The following NCKAP5 variants were observed in gnomAD, a reference collection of about 807,000 sequenced individuals.
NCKAP5 encodes the protein nck-associated protein 5.
In NCKAP5, 92 loss-of-function variants were observed where a neutral mutation model predicts 167.0. The ratio of observed to expected loss-of-function variants is 0.55; its 90% CI spans 0.47 to 0.66. NCKAP5 has a LOEUF of 0.66. Ranked by LOEUF, NCKAP5 falls within the 30% of genes least tolerant of loss-of-function variation. The pLI, the probability that NCKAP5 is intolerant of heterozygous loss-of-function variation, is 0.00. For missense variants in NCKAP5, 2,378 were observed against 2,315.0 expected (o/e 1.03, Z -0.56); for synonymous variants, 891 against 877.4 (o/e 1.02, Z -0.27).
intron 5 of NCKAP5, among the ~76,000 whole-genome samples, chr2:133,187,181 T>C (rs965269259): frequency 3.9e-5 from 6 of 152,066 alleles, no homozygotes; most frequent in African/African-American, 1.4e-4. Context: ...TAAATAAAGT[T>C]TTTTGTTTCT....
At chr2:133,039,127 C>T (rs1291756963) in intron 6 of NCKAP5, among the ~76,000 whole-genome samples, 1 of 152,184 alleles carries the variant, frequency 6.6e-6, no homozygotes, top group African/African-American at 2.4e-5. Context: ...GTCCTACCCA[C>T]ATCCTATTTA....
chr2:133,313,456 A>G (rs1382848055), intron 3 of NCKAP5, among the ~76,000 whole-genome samples: 1 of 152,196 alleles, frequency 6.6e-6, no homozygotes, highest in Non-Finnish European at 1.5e-5. Context: ...TGCTATTACT[A>G]ATACTTAGAT....
At chr2:132,865,742 G>C (rs1020637850) in intron 10 of NCKAP5, among the ~76,000 whole-genome samples, 1 of 152,200 alleles carries the variant, frequency 6.6e-6, no homozygotes, top group Non-Finnish European at 1.5e-5. Flanking sequence ...GAGTGGGTCA[G>C]AGCGTGGGGT....
At chr2:132,873,972 C>T (rs1691047035) in intron 9 of NCKAP5, among the ~76,000 whole-genome samples, 1 of 152,080 alleles carries the variant, frequency 6.6e-6, no homozygotes, top group Non-Finnish European at 1.5e-5. Context: ...GAAACAAATA[C>T]AGGGACTGCC....
intron 6 of NCKAP5, among the ~76,000 whole-genome samples, chr2:133,098,671 T>C (rs2081414226): frequency 1.3e-5 from 2 of 152,232 alleles, no homozygotes; most frequent in South Asian, 2.1e-4. Context: ...TTTTACACTC[T>C]AGTTATATTT....
At chr2:133,018,327 T>A (rs1242848261) in intron 6 of NCKAP5, among the ~76,000 whole-genome samples, 1 of 152,192 alleles carries the variant, frequency 6.6e-6, no homozygotes, top group Admixed American at 6.5e-5. Context: ...TTTAAAGTTA[T>A]GACCCACCAG....
intron 7 of NCKAP5, among the ~76,000 whole-genome samples, chr2:132,980,515 A>G (rs986142130): frequency 3.3e-5 from 5 of 152,194 alleles, no homozygotes; most frequent in African/African-American, 1.2e-4. Flanking sequence ...CTTGCAAGAT[A>G]TGGGACTTGG....
rs569803399 is a variant in NCKAP5 at position 133,438,428 on chromosome 2, C to T, written c.69+79030G>A. 3.2e-3 allele frequency among the ~76,000 whole-genome samples: 493 copies of T among 152,298 alleles called. 5 individuals are homozygous for T. Among genetic ancestry groups the T allele is most frequent in the African/African-American group, 0.01 (434 of 41,556 alleles). On this transcript the variant is annotated intron_variant, in intron 3 of 19. Coordinates refer to ENST00000409261, the MANE Select transcript of NCKAP5 (RefSeq NM_207363.3). ...TTTTATGATTATACTTGTAACACAT[C>T]GTATCATCAGACTGCAAAATAAAAC...
intron 5 of NCKAP5, among the ~76,000 whole-genome samples, chr2:133,153,804 C>T (rs1327810340): frequency 6.6e-6 from 1 of 151,098 alleles, no homozygotes; most frequent in Non-Finnish European, 1.5e-5. Flanking sequence ...TATGCATCTT[C>T]CGAGGCCCAC....
At chr2:133,303,870 C>T (rs544775810) in intron 3 of NCKAP5, among the ~76,000 whole-genome samples, 151 of 152,302 alleles carry the variant, frequency 9.9e-4, no homozygotes, top group African/African-American at 3.5e-3. Flanking sequence ...ATACGAGGCT[C>T]ATATGCAATG....
chr2:132,958,591 C>T (rs761957261), intron 8 of NCKAP5, among the ~76,000 whole-genome samples: 7 of 152,142 alleles, frequency 4.6e-5, no homozygotes, highest in Non-Finnish European at 1.0e-4. Context: ...CCTTGTCTAC[C>T]TCTGTGAACT....
At chr2:132,731,121 TAC>T (rs1690961570) in intron 17 of NCKAP5, among the ~76,000 whole-genome samples, 1 of 152,166 alleles carries the variant, frequency 6.6e-6, no homozygotes, top group Admixed American at 6.5e-5. Flanking sequence ...TGGGCTGCAA[TAC>T]ACATTTTTAA....
chr2:132,732,630 T>A (rs1691139832), intron 16 of NCKAP5, among the ~76,000 whole-genome samples: 1 of 152,192 alleles, frequency 6.6e-6, no homozygotes, highest in African/African-American at 2.4e-5. Flanking sequence ...GGAACAGTCA[T>A]TAGAGACCAA....
rs1484972716 is a variant in NCKAP5 at position 132,782,396 on chromosome 2, A to T, written c.4415T>A (p.Ile1472Asn). Residue 1472 changes from isoleucine (I) to asparagine (N), a missense_variant, in exon 14 of 20, where the codon ATC becomes AAC. Physicochemically the swap from Ile to Asn is moderately radical, Grantham distance 149. Coordinates refer to ENST00000409261, the MANE Select transcript of NCKAP5 (RefSeq NM_207363.3). ...AATGCACAACATGACCTTTTCTTCG[A>T]TTGTGGGTGAGAGGGGGGCTTCTGA... ...VSSEAPLSPT[I>N]EEKVMLCIQE... 1 of 1,613,922 alleles carries T rather than the reference A, an allele frequency of 6.2e-7. No homozygotes were observed. The highest frequency in any genetic ancestry group is 1.7e-5 in the Admixed American group (1 of 60,008).
intron 3 of NCKAP5, among the ~76,000 whole-genome samples, chr2:133,434,570 C>G (rs1445653419): frequency 6.6e-6 from 1 of 152,192 alleles, no homozygotes; most frequent in Non-Finnish European, 1.5e-5. Flanking sequence ...ATATCTATCT[C>G]ATAGTGTTGT....
intron 3 of NCKAP5, among the ~76,000 whole-genome samples, chr2:133,435,337 C>A (rs930985852): frequency 1.3e-5 from 2 of 151,910 alleles, no homozygotes; most frequent in Non-Finnish European, 2.9e-5. Flanking sequence ...TTTTTTAATC[C>A]CTGTGTTTAG....
intron 3 of NCKAP5, among the ~76,000 whole-genome samples, chr2:133,343,859 A>G (rs934802538): frequency 1.3e-5 from 2 of 152,204 alleles, no homozygotes. Context: ...CTTTTGCCAT[A>G]GTGTAAGTGC....
the NCKAP5 span, among the ~76,000 whole-genome samples, chr2:133,636,570 C>T: frequency 6.6e-6 from 1 of 152,200 alleles, no homozygotes; most frequent in Non-Finnish European, 1.5e-5. Flanking sequence ...AGGAGCATTT[C>T]TGCTTCCAAC....
the NCKAP5 span, among the ~76,000 whole-genome samples, chr2:133,627,845 A>G: frequency 1.3e-5 from 2 of 152,114 alleles, no homozygotes; most frequent in Non-Finnish European, 2.9e-5. Context: ...GCCCCTTCTC[A>G]AGGTAACTTT....
Sources: allele counts gnomAD v4.1 joint callset (sites outside exome capture counted in the v4.1 genomes callset), GRCh38; gene constraint gnomAD v4.1.1; transcripts MANE v1.5; gene names NCBI Gene and HGNC (gene_info 2026-07-23, HGNC 2026-07-21).